Variants in RPS6KA2 observed in about 807,000 individuals in gnomAD.
RPS6KA2 encodes the protein ribosomal protein S6 kinase alpha-2.
RPS6KA2 carries 42 observed loss-of-function variants against 91.8 expected under a neutral mutation model. The ratio of observed to expected loss-of-function variants is 0.46; its 90% CI spans 0.36 to 0.59. The LOEUF (loss-of-function observed/expected upper bound fraction) is 0.59. RPS6KA2 is among the 20% of genes least tolerant of loss of function. The pLI is 0.00. For synonymous variants in RPS6KA2, 414 were observed against 393.6 expected (o/e 1.05, Z -0.61); for missense variants, 798 against 978.5 (o/e 0.82, Z 2.46).
chr6:166,565,952 C>T (rs766733664), intron 1 of RPS6KA2, among the ~76,000 whole-genome samples: 1 of 152,250 alleles, frequency 6.6e-6, no homozygotes, highest in South Asian at 2.1e-4. Context: ...CAAAAAGCAT[C>T]TTCCCATCTT....
At position 166,488,864 on chromosome 6, in the gene RPS6KA2, A is replaced by G. The variant is rs923681275; in HGVS notation, c.876T>C (p.Ala292=). ...LSGEAQSLLR[A]LFKRNPCNRL... is the part of the protein sequence containing the mutation. The stretch of plus-strand genomic sequence containing the variant: ...GGTTGCAGGGGTTCCGTTTGAAGAG[A>G]GCTCGCAGCAAACTCTGTGCCTCCC... The change falls in exon 10 of 21, where the codon GCT becomes GCC. Residue 292 remains alanine, a synonymous_variant. Coordinates refer to ENST00000265678, the MANE Select transcript of RPS6KA2 (RefSeq NM_021135.6). 6 of 1,613,558 alleles carry G rather than the reference A, an allele frequency of 3.7e-6. No individual in the cohort carries two copies. In the African/African-American group the frequency reaches 8.0e-5, roughly 22 times the overall value.
chr6:166,829,686 C>A (rs1225386576), intron 2 of RPS6KA2, among the ~76,000 whole-genome samples: 1 of 151,938 alleles, frequency 6.6e-6, no homozygotes, highest in African/African-American at 2.4e-5. Context: ...ATTTGTCTAC[C>A]CATGTTCACA....
At chr6:166,753,253 C>T (rs2128599772) in intron 2 of RPS6KA2, among the ~76,000 whole-genome samples, 1 of 152,222 alleles carries the variant, frequency 6.6e-6, no homozygotes, top group South Asian at 2.1e-4. Context: ...AAGAACAGTC[C>T]CCCTCAGGCT....
chr6:166,491,827 CTGTT>C (rs1781596254), intron 8 of RPS6KA2, among the ~76,000 whole-genome samples: 2 of 152,104 alleles, frequency 1.3e-5, no homozygotes, highest in Admixed American at 1.3e-4. Context: ...TTTTTTCAAG[CTGTT>C]TTTTATTTTG....
chr6:166,496,207 G>C (rs1781779930), intron 8 of RPS6KA2, among the ~76,000 whole-genome samples: 1 of 151,966 alleles, frequency 6.6e-6, no homozygotes, highest in African/African-American at 2.4e-5. Context: ...AAAAAAATTA[G>C]CTGGGTGTGG....
intron 10 of RPS6KA2, 24 bp downstream of exon 10, chr6:166,488,809 G>A (rs761098410): frequency 1.3e-6 from 2 of 1,590,670 alleles, no homozygotes; most frequent in South Asian, 2.2e-5. Flanking sequence ...CGTTCCCGTG[G>A]TGGGGTGTCC....
chr6:166,715,751 A>T (rs1789991392), intron 2 of RPS6KA2, among the ~76,000 whole-genome samples: 1 of 152,174 alleles, frequency 6.6e-6, no homozygotes, highest in African/African-American at 2.4e-5. Context: ...AACATAGAAA[A>T]GCTGGGCCAG....
intron 1 of RPS6KA2, among the ~76,000 whole-genome samples, chr6:166,548,462 A>G (rs1469583029): frequency 1.3e-5 from 2 of 152,256 alleles, no homozygotes; most frequent in Non-Finnish European, 2.9e-5. Flanking sequence ...AGCTACAGTA[A>G]TCAAGATGGT....
At chr6:166,785,718 G>A (rs1421799722) in intron 2 of RPS6KA2, among the ~76,000 whole-genome samples, 2 of 152,202 alleles carry the variant, frequency 1.3e-5, no homozygotes, top group African/African-American at 4.8e-5. Flanking sequence ...GTCCAAGCCC[G>A]TATTCTTAAG....
chr6:166,468,262 A>G (rs559619351), intron 11 of RPS6KA2, among the ~76,000 whole-genome samples: 2 of 152,348 alleles, frequency 1.3e-5, no homozygotes, highest in East Asian at 3.9e-4. Flanking sequence ...CTTGGTTTTC[A>G]TTTCTTGGAG....
chr6:166,850,663 C>T (rs969984630), intron 2 of RPS6KA2, among the ~76,000 whole-genome samples: 66 of 152,120 alleles, frequency 4.3e-4, no homozygotes, highest in African/African-American at 1.5e-3. Flanking sequence ...CAGATCTGAG[C>T]CCCTGCGTCC....
chr6:166,488,611 T>C (rs990471041), intron 10 of RPS6KA2, among the ~76,000 whole-genome samples: 3 of 152,214 alleles, frequency 2.0e-5, no homozygotes, highest in Admixed American at 2.0e-4. Context: ...AAACAGCTTA[T>C]GGTATTTTGG....
At chr6:166,720,722 A>C (rs1397147108) in intron 2 of RPS6KA2, among the ~76,000 whole-genome samples, 1 of 152,194 alleles carries the variant, frequency 6.6e-6, no homozygotes, top group African/African-American at 2.4e-5. Context: ...TGTGCCTCGC[A>C]TTTTACATTC....
At chr6:166,477,506 T>C (rs1781021238) in intron 10 of RPS6KA2, among the ~76,000 whole-genome samples, 1 of 152,214 alleles carries the variant, frequency 6.6e-6, no homozygotes, top group Non-Finnish European at 1.5e-5. Context: ...TAGAAAATTA[T>C]TTGCTTCTCC....
At chr6:166,684,564 C>T (rs1788947849) in intron 2 of RPS6KA2, among the ~76,000 whole-genome samples, 1 of 152,164 alleles carries the variant, frequency 6.6e-6, no homozygotes, top group African/African-American at 2.4e-5. Context: ...ATTTGAGGCT[C>T]ACCTGTCCTG....
At chr6:166,699,452 T>C (rs1473524044) in intron 2 of RPS6KA2, among the ~76,000 whole-genome samples, 1 of 152,228 alleles carries the variant, frequency 6.6e-6, no homozygotes, top group African/African-American at 2.4e-5. Flanking sequence ...AAATGTCTAA[T>C]TGATATGATC....
chr6:166,556,803 A>G (rs1427742261), intron 1 of RPS6KA2, among the ~76,000 whole-genome samples: 1 of 152,194 alleles, frequency 6.6e-6, no homozygotes, highest in East Asian at 1.9e-4. Flanking sequence ...CCTTCCAGTA[A>G]GCTCCACCAG....
chr6:166,759,710 CT>C (rs1778114403), intron 2 of RPS6KA2, among the ~76,000 whole-genome samples: 1 of 152,194 alleles, frequency 6.6e-6, no homozygotes, highest in African/African-American at 2.4e-5. Context: ...TATGTGCAGC[CT>C]TTCACAGAAA....
intron 1 of RPS6KA2, among the ~76,000 whole-genome samples, chr6:166,860,820 C>CA (rs1385862776): frequency 6.6e-6 from 1 of 152,104 alleles, no homozygotes; most frequent in African/African-American, 2.4e-5. Context: ...CTCTCTCTCT[C>CA]AAAAAAAGTA....
Sources: gnomAD v4.1 joint callset for allele counts (sites outside exome capture counted in the v4.1 genomes callset) on GRCh38, gnomAD v4.1.1 for gene constraint, MANE v1.5 for transcripts, NCBI Gene and HGNC (gene_info 2026-07-23, HGNC 2026-07-21) for gene names.